The following ALOX5AP variants were observed in gnomAD, a reference collection of about 807,000 sequenced individuals.
ALOX5AP encodes arachidonate 5-lipoxygenase activating protein.
In ALOX5AP, 9 loss-of-function variants were observed where a neutral mutation model predicts 18.5. The ratio of observed to expected loss-of-function variants is 0.49; its 90% CI spans 0.29 to 0.85. The LOEUF (loss-of-function observed/expected upper bound fraction) is 0.85, where lower values mean the gene tolerates loss of function less well. Among genes scored for constraint, ALOX5AP ranks in the 40% least tolerant of loss-of-function variants. The pLI, the probability that ALOX5AP is intolerant of heterozygous loss-of-function variation, is 0.08. For missense variants in ALOX5AP, 172 were observed against 202.5 expected (o/e 0.85, Z 0.91); for synonymous variants, 81 against 78.6 (o/e 1.03, Z -0.16).
intron 2 of ALOX5AP, among the ~76,000 whole-genome samples, chr13:30,747,929 AT>A (rs1006247097): frequency 3.0e-4 from 45 of 149,896 alleles, no homozygotes; most frequent in African/African-American, 1.0e-3. Flanking sequence ...TTTTATTTTT[AT>A]TTTTTTTTGA....
upstream of ALOX5AP, among the ~76,000 whole-genome samples, chr13:30,733,477 C>T (rs973987690): frequency 4.6e-5 from 7 of 152,356 alleles, no homozygotes; most frequent in Admixed American, 4.6e-4. Context: ...ACTTACCAAA[C>T]TGCAGGTATG....
chr13:30,762,868 A>G (rs1013955310), intron 4 of ALOX5AP, among the ~76,000 whole-genome samples: 4 of 152,246 alleles, frequency 2.6e-5, no homozygotes, highest in African/African-American at 9.6e-5. Flanking sequence ...CACCTCTCAG[A>G]TGGGCCAGCC....
intron 2 of ALOX5AP, among the ~76,000 whole-genome samples, chr13:30,744,808 C>T (rs1951796546): frequency 6.6e-6 from 1 of 152,198 alleles, no homozygotes; most frequent in South Asian, 2.1e-4. Context: ...CTCCTCTCTT[C>T]TTTATGCAGA....
At chr13:30,746,202 C>T (rs774489157) in intron 2 of ALOX5AP, among the ~76,000 whole-genome samples, 4 of 152,150 alleles carry the variant, frequency 2.6e-5, no homozygotes, top group Admixed American at 2.6e-4. Context: ...GTTCCACAGT[C>T]GTTGTGGGGT....
intron 1 of ALOX5AP, among the ~76,000 whole-genome samples, chr13:30,722,213 G>A (rs1417163744): frequency 6.6e-6 from 1 of 152,126 alleles, no homozygotes; most frequent in African/African-American, 2.4e-5. Flanking sequence ...CTAAAATGCG[G>A]TGCAGATGGC....
intron 2 of ALOX5AP, among the ~76,000 whole-genome samples, chr13:30,749,134 C>A (rs529711359): frequency 6.6e-6 from 1 of 152,324 alleles, no homozygotes; most frequent in East Asian, 1.9e-4. Context: ...CATTCAACTC[C>A]AGGCTGACCA....
upstream of ALOX5AP, among the ~76,000 whole-genome samples, chr13:30,730,576 C>A (rs1410447757): frequency 6.6e-6 from 1 of 152,206 alleles, no homozygotes. Flanking sequence ...CCCTCACCAC[C>A]AGTCAATCCT....
At chr13:30,760,297 G>A (rs1286068451) in intron 4 of ALOX5AP, among the ~76,000 whole-genome samples, 1 of 151,934 alleles carries the variant, frequency 6.6e-6, no homozygotes, top group African/African-American at 2.4e-5. Context: ...GCCACAGAGA[G>A]CTGAGCTGGG....
intron 3 of ALOX5AP, 42 bp from the exon 4 acceptor site, chr13:30,755,902 T>G: frequency 6.3e-7 from 1 of 1,593,402 alleles, no homozygotes; most frequent in Non-Finnish European, 8.6e-7. Context: ...CATGTTTTGG[T>G]GGCTACGAAA....
chr13:30,736,195 A>G lies in ALOX5AP; in HGVS notation c.70+520A>G, dbSNP rs1023202840. ...ATTACTTTTTTCTTTTTTTCTCCTG[A>G]AGAAACTTTTTTTTTTGGTGATACC... On this transcript the variant is annotated intron_variant, in intron 1 of 4. Coordinates refer to ENST00000380490, the MANE Select transcript of ALOX5AP (RefSeq NM_001629.4). 2.0e-5 allele frequency among the ~76,000 whole-genome samples: 3 copies of G among 151,308 alleles called. No homozygotes were observed. In the East Asian group the frequency reaches 5.8e-4, roughly 29 times the overall value.
intron 4 of ALOX5AP, among the ~76,000 whole-genome samples, chr13:30,757,194 C>G (rs763121078): frequency 6.6e-6 from 1 of 152,108 alleles, no homozygotes; most frequent in Admixed American, 6.6e-5. Context: ...GGCTAATGGG[C>G]TCTATGATTA....
chr13:30,734,294 C>G (rs1047553191), upstream of ALOX5AP, among the ~76,000 whole-genome samples: 22 of 152,226 alleles, frequency 1.4e-4, no homozygotes, highest in African/African-American at 5.1e-4. Context: ...TCTCTCTCAG[C>G]TGAACCGAGG....
chr13:30,744,258 G>C lies in ALOX5AP; in HGVS notation c.170+99G>C, dbSNP rs781058816. ...CCCTTAATACCACATGTCTGTCTGA[G>C]CCAAGTTTCTGAGCGCCAGGGAGGT... On this transcript the variant is annotated intron_variant, in intron 2 of 4. Transcript: ENST00000380490. 7.2e-6 allele frequency: 8 copies of C among 1,118,680 alleles called. No individual in the cohort carries two copies. The Admixed American group carries it at 1.4e-4, about 20-fold the overall frequency. The allele number at this position is 1,118,680 out of a possible 1,614,324, so 69.3% of individuals were successfully genotyped here.
intron 1 of ALOX5AP, among the ~76,000 whole-genome samples, chr13:30,724,914 C>G (rs1170206105): frequency 6.6e-6 from 1 of 152,216 alleles, no homozygotes; most frequent in African/African-American, 2.4e-5. Context: ...ACTGCTTCCC[C>G]TCAGTCTGCA....
At chr13:30,728,144 C>T (rs1223326634) in intron 1 of ALOX5AP, among the ~76,000 whole-genome samples, 2 of 152,122 alleles carry the variant, frequency 1.3e-5, no homozygotes, top group East Asian at 1.9e-4. Flanking sequence ...AAGACAGAAA[C>T]GCCAAGGGAG....
chr13:30,735,904 T>C (rs1951716976), intron 1 of ALOX5AP, among the ~76,000 whole-genome samples: 1 of 152,212 alleles, frequency 6.6e-6, no homozygotes, highest in Non-Finnish European at 1.5e-5. Context: ...ACCAGTCCCA[T>C]TTTTAGAGCC....
At chr13:30,736,877 G>C (rs1356321846) in intron 1 of ALOX5AP, among the ~76,000 whole-genome samples, 1 of 152,168 alleles carries the variant, frequency 6.6e-6, no homozygotes, top group Non-Finnish European at 1.5e-5. Context: ...TTCACACAGG[G>C]CTCCCTTGGC....
chr13:30,757,643 G>A (rs988440026), intron 4 of ALOX5AP, among the ~76,000 whole-genome samples: 3 of 152,056 alleles, frequency 2.0e-5, no homozygotes, highest in African/African-American at 4.8e-5. Context: ...AAGTCCCAGG[G>A]ATGTGGCTCA....
chr13:30,720,771 A>G (rs555257974), intron 1 of ALOX5AP, among the ~76,000 whole-genome samples: 22 of 152,366 alleles, frequency 1.4e-4, no homozygotes, highest in African/African-American at 5.3e-4. Context: ...CAGTCATTTA[A>G]TCTGAATATC....
Sources: gnomAD v4.1 joint callset for allele counts (sites outside exome capture counted in the v4.1 genomes callset) on GRCh38, gnomAD v4.1.1 for gene constraint, MANE v1.5 for transcripts, NCBI Gene and HGNC (gene_info 2026-07-23, HGNC 2026-07-21) for gene names.